The following PLXDC1 variants were observed in gnomAD, a reference collection of about 807,000 sequenced individuals.
PLXDC1 encodes plexin domain-containing protein 1.
A neutral mutation model predicts 61.3 loss-of-function variants in PLXDC1; 39 were observed. That is an observed-to-expected ratio of 0.64 (90% CI 0.49 to 0.83). PLXDC1 has a LOEUF of 0.83. Among genes scored for constraint, PLXDC1 ranks in the 40% least tolerant of loss-of-function variants. The pLI is 0.00. For synonymous variants in PLXDC1, 212 were observed against 254.5 expected (o/e 0.83, Z 1.59); for missense variants, 596 against 666.5 (o/e 0.89, Z 1.17).
rs943012353 is a variant in PLXDC1, at chr17:39,151,521, C to G, written c.-84G>C. The G allele has an allele frequency of 4.2e-5, 51 of 1,223,930 alleles. No individual in the cohort carries two copies. The highest frequency in any genetic ancestry group is 1.6e-5 in the Non-Finnish European group (16 of 982,718). 75.8% of individuals were successfully genotyped at this position (1,223,930 alleles called of 1,614,324 possible). ...GGCCCTGGCTCAGGCTGCGGCCGCG[C>G]GGTCCCCGGGGCTGGCGGAGGGGCG... On this transcript the variant is annotated 5_prime_UTR_variant, in exon 1 of 14. Transcript: ENST00000315392. This position sits in a 1 kb window ranked among gnomAD's most constrained non-coding sequence, Gnocchi z 5.2.
At chr17:39,072,767 A>G (rs1377266162) in intron 11 of PLXDC1, among the ~76,000 whole-genome samples, 1 of 152,198 alleles carries the variant, frequency 6.6e-6, no homozygotes, top group East Asian at 1.9e-4. Flanking sequence ...GTGGGGCGAC[A>G]GAGAGATGTG....
chr17:39,113,849 C>A (rs78470797), intron 2 of PLXDC1, among the ~76,000 whole-genome samples: 41 of 143,770 alleles, frequency 2.9e-4, no homozygotes, highest in Admixed American at 3.5e-4. Flanking sequence ...GACTCTGTCT[C>A]AAAAAAAAAA....
chr17:39,106,652 CT>C (rs367791150), intron 6 of PLXDC1, among the ~76,000 whole-genome samples: 15 of 139,886 alleles, frequency 1.1e-4, no homozygotes, highest in East Asian at 6.2e-4. Flanking sequence ...CTTTTTCTTT[CT>C]TTTTTTTTTT....
At chr17:39,126,238 G>A (rs138475895) in intron 2 of PLXDC1, among the ~76,000 whole-genome samples, 1 of 152,228 alleles carries the variant, frequency 6.6e-6, no homozygotes, top group African/African-American at 2.4e-5. Context: ...TGGGTGACAA[G>A]AGTGAAACTC....
At chr17:39,076,289 G>A (rs552966416) in intron 11 of PLXDC1, among the ~76,000 whole-genome samples, 6 of 151,780 alleles carry the variant, frequency 4.0e-5, no homozygotes, top group East Asian at 1.9e-4. Context: ...CAGGAGGATC[G>A]CTTGAGCCCA....
chr17:39,073,888 G>C (rs1909221229), intron 11 of PLXDC1, among the ~76,000 whole-genome samples: 1 of 152,186 alleles, frequency 6.6e-6, no homozygotes, highest in South Asian at 2.1e-4. Context: ...GCCACTCAGA[G>C]GTCATCTGGT....
chr17:39,152,780 A>AAG (rs2045382900), upstream of PLXDC1: 2 of 882,600 alleles, frequency 2.3e-6, no homozygotes, highest in East Asian at 6.6e-5. Context: ...TAAAAAAAAA[A>AAG]AAAAGAAAAG....
chr17:39,107,937 A>ATTC (rs1476881636), intron 5 of PLXDC1, 186 bp downstream of exon 5: 1 of 676,718 alleles, frequency 1.5e-6, no homozygotes, highest in Non-Finnish European at 2.6e-6. Context: ...ATCTCATCAG[A>ATTC]TTCTTCTGGG....
chr17:39,113,994 G>A (rs1910891313), intron 2 of PLXDC1, among the ~76,000 whole-genome samples: 1 of 152,180 alleles, frequency 6.6e-6, no homozygotes, highest in South Asian at 2.1e-4. Flanking sequence ...CCTTCTGAAA[G>A]AGATCAAATT....
At chr17:39,149,239 C>G (rs879315186) in intron 1 of PLXDC1, among the ~76,000 whole-genome samples, 1 of 152,152 alleles carries the variant, frequency 6.6e-6, no homozygotes, top group African/African-American at 2.4e-5. Flanking sequence ...CCAAGGCCCC[C>G]CACCAGCCCC....
chr17:39,142,013 G>C (rs1488139385), intron 1 of PLXDC1, among the ~76,000 whole-genome samples: 1 of 152,036 alleles, frequency 6.6e-6, no homozygotes, highest in Admixed American at 6.6e-5. Flanking sequence ...ATTGTTGGTT[G>C]GACTGGATAA....
chr17:39,090,326 A>G (rs1264965573), intron 7 of PLXDC1, among the ~76,000 whole-genome samples: 9 of 148,144 alleles, frequency 6.1e-5, no homozygotes, highest in Non-Finnish European at 1.2e-4. Context: ...GGAGCTGAGC[A>G]GCATCTACAT....
At chr17:39,080,771 C>T (rs973989417) in intron 9 of PLXDC1, 1 of 152,278 alleles carries the variant, frequency 6.6e-6, no homozygotes, top group African/African-American at 2.4e-5. Context: ...TTTCTCTGTG[C>T]TCCTCTTTGC....
intron 2 of PLXDC1, among the ~76,000 whole-genome samples, chr17:39,119,290 C>T (rs755775111): frequency 6.6e-6 from 1 of 152,114 alleles, no homozygotes; most frequent in Non-Finnish European, 1.5e-5. Context: ...GGCAGTCCTT[C>T]ACTGGTACAG....
At chr17:39,073,479 G>A (rs1909205402) in intron 11 of PLXDC1, 1 of 152,222 alleles carries the variant, frequency 6.6e-6, no homozygotes, top group Admixed American at 6.5e-5. Flanking sequence ...GACCATTGAA[G>A]ATCAATTATG....
At chr17:39,103,283 C>T (rs1474690935) in intron 7 of PLXDC1, among the ~76,000 whole-genome samples, 1 of 151,862 alleles carries the variant, frequency 6.6e-6, no homozygotes, top group Non-Finnish European at 1.5e-5. Context: ...AATCCCAGCA[C>T]ATTGGGCACT....
At chr17:39,110,067 C>T (rs1460936073) in intron 2 of PLXDC1, among the ~76,000 whole-genome samples, 1 of 152,104 alleles carries the variant, frequency 6.6e-6, no homozygotes, top group East Asian at 1.9e-4. Context: ...CACTTGAACT[C>T]GGGAGCCGAG....
At chr17:39,070,264 A>G (rs995903729) in intron 12 of PLXDC1, 7 of 392,460 alleles carry the variant, frequency 1.8e-5, no homozygotes, top group Non-Finnish European at 3.2e-5. Context: ...TAAGGATCAT[A>G]AGAGAAGTTC....
rs1910663308 is a variant in PLXDC1, at chr17:39,108,177, C to T, written c.538G>A (p.Ala180Thr). The change falls in exon 5 of 14, where the codon GCC becomes ACC. Residue 180 changes from alanine to threonine, a missense_variant. Ala to Thr is a moderately conservative substitution (Grantham distance 58). Transcript: ENST00000315392. ...TCGGAGTAGCCAGGGTTGAAGTTGG[C>T]CATCAGGGGCGCCACATACTGAGTA... ...TATQYVAPLM[A>T]NFNPGYSDNS... is the part of the protein sequence containing the mutation. 5.0e-6 allele frequency: 8 copies of T among 1,614,104 alleles called. No individual in the cohort carries two copies. The highest frequency in any genetic ancestry group is 6.8e-6 in the Non-Finnish European group (8 of 1,179,978).
Sources: allele counts gnomAD v4.1 joint callset (sites outside exome capture counted in the v4.1 genomes callset), GRCh38; gene constraint gnomAD v4.1.1; non-coding constraint Gnocchi (gnomAD v3.1); transcripts MANE v1.5; gene names NCBI Gene and HGNC (gene_info 2026-07-23, HGNC 2026-07-21).